MIA2: variants seen among roughly 807,000 people sequenced by gnomAD.
The protein encoded by MIA2 is melanoma inhibitory activity protein 2.
A neutral mutation model predicts 167.8 loss-of-function variants in MIA2; 127 were observed. The observed-to-expected ratio is 0.76, with a 90% CI of 0.66 to 0.88. The LOEUF (loss-of-function observed/expected upper bound fraction) is 0.88, where lower values mean the gene tolerates loss of function less well. Among genes scored for constraint, MIA2 ranks in the 40% least tolerant of loss-of-function variants. The probability of loss-of-function intolerance (pLI) is 0.00; values close to 1 mark genes in which losing one functional copy is unlikely to be tolerated. For synonymous variants in MIA2, 552 were observed against 541.9 expected (o/e 1.02, Z -0.26); for missense variants, 1,690 against 1,624.7 (o/e 1.04, Z -0.69).
Position 39,274,894 on chromosome 14 carries a change from G to A in MIA2, c.1888-2040G>A, listed in dbSNP as rs574861246. Among the ~76,000 whole-genome samples, 440 of 149,392 alleles carry A rather than the reference G, an allele frequency of 2.9e-3. 2 individuals are homozygous for A. Among genetic ancestry groups the A allele is most frequent in the African/African-American group, 5.5e-3 (223 of 40,850 alleles). Reference sequence around the variant, plus strand: ...GTTTGAGACCAGTCTGGCCAACATGGTGAAACCCTGTCTCTACTAAAAATA... The same window carrying A: ...GTTTGAGACCAGTCTGGCCAACATGATGAAACCCTGTCTCTACTAAAAATA... On this transcript the variant is annotated intron_variant, in intron 6 of 28. Transcript: ENST00000640607.
At chr14:39,321,890 A>T (rs2066511679) in intron 24 of MIA2, among the ~76,000 whole-genome samples, 2 of 151,640 alleles carry the variant, frequency 1.3e-5, no homozygotes, top group African/African-American at 4.8e-5. Flanking sequence ...CCTCCTGAGT[A>T]GCTGGGATTA....
At chr14:39,296,354 A>G (rs1213484211) in intron 13 of MIA2, among the ~76,000 whole-genome samples, 3 of 151,356 alleles carry the variant, frequency 2.0e-5, no homozygotes, top group Non-Finnish European at 4.4e-5. Flanking sequence ...TGACACTGTC[A>G]CTCCATTGTC....
intron 25 of MIA2, among the ~76,000 whole-genome samples, chr14:39,342,779 A>AT (rs2072271802): frequency 6.6e-6 from 1 of 152,232 alleles, no homozygotes; most frequent in South Asian, 2.1e-4. Context: ...TTTCCTGGGC[A>AT]TATTACCTTC....
intron 23 of MIA2, among the ~76,000 whole-genome samples, chr14:39,364,703 G>C (rs573148676): frequency 4.1e-5 from 6 of 146,354 alleles, no homozygotes; most frequent in Non-Finnish European, 7.7e-5. Context: ...AGTATTCTTG[G>C]CTGATAGTTT....
intron 6 of MIA2, chr14:39,266,943 G>A (rs1403742319): frequency 9.3e-6 from 6 of 643,766 alleles, no homozygotes; most frequent in African/African-American, 5.9e-5. Flanking sequence ...CCTGGTCTTT[G>A]GGGTTGTGCG....
Position 39,327,869 on chromosome 14 carries a change from T to A in MIA2, c.3655+847T>A, listed in dbSNP as rs141482681. On this transcript the variant is annotated intron_variant, in intron 25 of 28. Coordinates refer to ENST00000640607, the MANE Select transcript of MIA2 (RefSeq NM_001329214.4). Reference sequence around the variant, plus strand: ...CACATTTTCTTTATGCAGTCTGACATTGATGGGCATTTGGGTTGGTTCCAA... The same window carrying A: ...CACATTTTCTTTATGCAGTCTGACAATGATGGGCATTTGGGTTGGTTCCAA... Among the ~76,000 whole-genome samples, 1,177 of 152,312 alleles carry A rather than the reference T, an allele frequency of 7.7e-3. 14 individuals are homozygous for A. Among genetic ancestry groups the A allele is most frequent in the African/African-American group, 0.026 (1,074 of 41,554 alleles).
chr14:39,330,554 G>T (rs574306655), intron 25 of MIA2, among the ~76,000 whole-genome samples: 1 of 152,182 alleles, frequency 6.6e-6, no homozygotes, highest in East Asian at 1.9e-4. Context: ...TGTGATGTTT[G>T]GGTGTTGATT....
chr14:39,339,626 A>G (rs1192363856), intron 25 of MIA2, among the ~76,000 whole-genome samples: 1 of 152,200 alleles, frequency 6.6e-6, no homozygotes, highest in African/African-American at 2.4e-5. Context: ...ATGAGTTAAT[A>G]TAATGAAATG....
At position 39,350,127 on chromosome 14, in the gene MIA2, C is replaced by T. The variant is rs1217978992; in HGVS notation, c.4102C>T (p.Pro1368Ser). The T allele has an allele frequency of 2.9e-6, 4 of 1,381,260 alleles. No homozygotes were observed. The highest frequency in any genetic ancestry group is 4.0e-6 in the Non-Finnish European group (4 of 1,012,634). The allele number at this position is 1,381,260 out of a possible 1,614,324, so 85.6% of individuals were successfully genotyped here. ...AAATGTCTATCCACCGAGGGGTTTTCCTCCTTACCTTCCCCCAAGACCTGG... is the reference window on the plus strand; with the variant it reads ...AAATGTCTATCCACCGAGGGGTTTTTCTCCTTACCTTCCCCCAAGACCTGG... ...MRNVYPPRGF[P>S]PYLPPRPGFF... Residue 1368 changes from proline (P) to serine (S), a missense_variant, in exon 29 of 29, where the codon CCT becomes TCT. Transcript: ENST00000640607.
At chr14:39,285,226 C>T (rs1053641360) in intron 9 of MIA2, among the ~76,000 whole-genome samples, 33 of 152,106 alleles carry the variant, frequency 2.2e-4, no homozygotes, top group Admixed American at 1.8e-3. Flanking sequence ...TCCACAAAAC[C>T]GCCATCGTCA....
intron 6 of MIA2, among the ~76,000 whole-genome samples, chr14:39,262,229 A>T (rs1233033232): frequency 1.3e-5 from 2 of 152,184 alleles, no homozygotes; most frequent in African/African-American, 4.8e-5. Flanking sequence ...TTAGCTTTCT[A>T]CATATGGCTA....
chr14:39,318,020 C>A lies in MIA2; in HGVS notation c.3284+9C>A. ...GCTCACAACAGACAAAAGTAAGTATCTTAGTGGGAACATTTAAAATTAGTT... is the reference window on the plus strand; with the variant it reads ...GCTCACAACAGACAAAAGTAAGTATATTAGTGGGAACATTTAAAATTAGTT... On this transcript the variant is annotated intron_variant, in intron 22 of 28. Transcript: ENST00000640607. The A allele has an allele frequency of 6.4e-7, 1 of 1,551,670 alleles. No individual in the cohort carries two copies. Among genetic ancestry groups the A allele is most frequent in the Non-Finnish European group, 8.7e-7 (1 of 1,147,614 alleles).
chr14:39,287,644 A>G (rs887153840), intron 9 of MIA2, among the ~76,000 whole-genome samples: 3 of 150,952 alleles, frequency 2.0e-5, no homozygotes, highest in South Asian at 2.1e-4. Flanking sequence ...GCTCACTGCA[A>G]CTCTGCCTCC....
At chr14:39,373,635 A>G (rs1213300059) in intron 23 of MIA2, among the ~76,000 whole-genome samples, 3 of 152,226 alleles carry the variant, frequency 2.0e-5, no homozygotes, top group Non-Finnish European at 4.4e-5. Context: ...AGCCTCGCCA[A>G]CATGGTGAAA....
chr14:39,323,462 A>AT (rs1026539241), intron 24 of MIA2, among the ~76,000 whole-genome samples: 2 of 55,564 alleles, frequency 3.6e-5, no homozygotes, highest in Non-Finnish European at 7.3e-5. Flanking sequence ...CCACCCCTCC[A>AT]TTTTTTACCT....
At chr14:39,283,382 G>C (rs773738359) in intron 9 of MIA2, among the ~76,000 whole-genome samples, 4 of 152,150 alleles carry the variant, frequency 2.6e-5, no homozygotes, top group African/African-American at 7.2e-5. Context: ...CAATGTCCTT[G>C]ATAGATGGTT....
At chr14:39,269,080 T>TTTTTTTA in intron 6 of MIA2, 1 of 654,854 alleles carries the variant, frequency 1.5e-6, no homozygotes, top group Non-Finnish European at 1.8e-6. Flanking sequence ...CACAGTTTTT[T>TTTTTTTA]TTTTTTTTTT....
intron 23 of MIA2, among the ~76,000 whole-genome samples, chr14:39,358,573 A>C (rs1218035873): frequency 6.6e-6 from 1 of 152,064 alleles, no homozygotes. Context: ...TTCTCTGTCC[A>C]GCTTTGTTCT....
chr14:39,285,365 C>T (rs565992535), intron 9 of MIA2, among the ~76,000 whole-genome samples: 9 of 142,858 alleles, frequency 6.3e-5, no homozygotes, highest in East Asian at 4.4e-4. Context: ...GACGGGGCGG[C>T]GGCCGGGCGG....
Sources: allele counts gnomAD v4.1 joint callset (sites outside exome capture counted in the v4.1 genomes callset), GRCh38; gene constraint gnomAD v4.1.1; transcripts MANE v1.5; gene names NCBI Gene and HGNC (gene_info 2026-07-23, HGNC 2026-07-21).